Variants in RABEP1 observed in about 807,000 individuals in gnomAD.
RABEP1 encodes the protein rabaptin, RAB GTPase binding effector protein 1.
RABEP1 carries 51 observed loss-of-function variants against 123.4 expected under a neutral mutation model. The ratio of observed to expected loss-of-function variants is 0.41; its 90% confidence interval spans 0.33 to 0.52. The LOEUF (loss-of-function observed/expected upper bound fraction) is 0.52. RABEP1 is among the 20% of genes least tolerant of loss of function. RABEP1 has a pLI of 0.16. For synonymous variants in RABEP1, 347 were observed against 355.2 expected (o/e 0.98, Z 0.26); for missense variants, 888 against 996.3 (o/e 0.89, Z 1.46).
chr17:5,350,600 C>G lies in RABEP1; in HGVS notation c.934C>G (p.Gln312Glu). Reference protein sequence around the residue: ...EIVLTSEQLRQVEELKKKDQE... With the variant: ...EIVLTSEQLREVEELKKKDQE... ...TGTGCTAACTTCAGAACAGCTCCGA[C>G]AAGTTGAAGAACTGAAGAAGAAAGA... The change falls in exon 7 of 18, where the codon CAA (glutamine) becomes GAA (glutamate). Residue 312 changes from glutamine (Q) to glutamate (E), a missense_variant. By Grantham distance (29) the Gln-to-Glu change is conservative. Coordinates refer to ENST00000537505, the MANE Select transcript of RABEP1 (RefSeq NM_004703.6). 1 of 1,613,874 alleles carries G rather than the reference C, an allele frequency of 6.2e-7. No individual in the cohort carries two copies. Among genetic ancestry groups the G allele is most frequent in the African/African-American group, 1.3e-5 (1 of 75,022 alleles).
At chr17:5,315,653 C>T (rs1348720737) in intron 2 of RABEP1, among the ~76,000 whole-genome samples, 2 of 151,864 alleles carry the variant, frequency 1.3e-5, no homozygotes, top group African/African-American at 2.4e-5. Context: ...GAGTTTGAGA[C>T]CAGCCTGGTC....
intron 8 of RABEP1, among the ~76,000 whole-genome samples, chr17:5,359,037 C>T (rs1027260936): frequency 6.6e-6 from 1 of 151,854 alleles, no homozygotes; most frequent in Non-Finnish European, 1.5e-5. Context: ...GTTGGATTTA[C>T]AGGCGTGAGC....
At chr17:5,334,287 G>A (rs970587181) in intron 3 of RABEP1, among the ~76,000 whole-genome samples, 9 of 150,404 alleles carry the variant, frequency 6.0e-5, no homozygotes, top group African/African-American at 9.8e-5. Flanking sequence ...GCTGGAGTGC[G>A]GTGGCATGAT....
intron 2 of RABEP1, among the ~76,000 whole-genome samples, chr17:5,322,630 C>A (rs531499855): frequency 8.8e-4 from 134 of 152,022 alleles, no homozygotes; most frequent in African/African-American, 3.1e-3. Flanking sequence ...ATACGGAAAT[C>A]CTTGAAAAAA....
intron 1 of RABEP1, among the ~76,000 whole-genome samples, chr17:5,302,765 C>T (rs2075147338): frequency 1.3e-5 from 2 of 152,070 alleles, no homozygotes; most frequent in Non-Finnish European, 1.5e-5. Flanking sequence ...TGGCCTCAAG[C>T]AGTCCTCCCA....
chr17:5,331,409 G>A (rs180670918), intron 2 of RABEP1, among the ~76,000 whole-genome samples: 31 of 152,236 alleles, frequency 2.0e-4, no homozygotes, highest in Non-Finnish European at 1.3e-4. Flanking sequence ...CCAAACATAT[G>A]TTCTGCCTGG....
At chr17:5,367,633 T>C (rs1229342143) in intron 11 of RABEP1, among the ~76,000 whole-genome samples, 1 of 151,244 alleles carries the variant, frequency 6.6e-6, no homozygotes, top group Non-Finnish European at 1.5e-5. Context: ...GGTGAAAAGA[T>C]CCACCTTTCC....
intron 6 of RABEP1, among the ~76,000 whole-genome samples, chr17:5,347,354 G>A (rs907800309): frequency 8.5e-5 from 13 of 152,154 alleles, no homozygotes; most frequent in Admixed American, 7.9e-4. Flanking sequence ...AGGTTGCGGT[G>A]AGCCAAGCTC....
intron 1 of RABEP1, among the ~76,000 whole-genome samples, chr17:5,295,681 A>G (rs994263322): frequency 1.3e-5 from 2 of 152,186 alleles, no homozygotes; most frequent in Admixed American, 6.5e-5. Context: ...TCTGAGACCA[A>G]CTGGAAAGCC....
intron 2 of RABEP1, among the ~76,000 whole-genome samples, chr17:5,316,832 C>CAAAAAAA (rs55890740): frequency 4.5e-5 from 3 of 67,174 alleles, no homozygotes; most frequent in African/African-American, 5.9e-5. Flanking sequence ...GACTCTGTCT[C>CAAAAAAA]AAAAAAAAAA....
Position 5,346,936 on chromosome 17 carries a change from T to C in RABEP1, c.784+11T>C. 1 of 1,555,504 alleles carries C rather than the reference T, an allele frequency of 6.4e-7. No individual in the cohort carries two copies. On this transcript the variant is annotated intron_variant, in intron 6 of 17. Transcript: ENST00000537505. ...AAGAATTGCATGAAGGTAAATATAC[T>C]GTATATTTTTATCTTTGTCTCTAAG...
rs565541260 is a variant in RABEP1 at position 5,321,740 on chromosome 17, G to A, written c.164-10209G>A. On this transcript the variant is annotated intron_variant, in intron 2 of 17. Transcript: ENST00000537505. The stretch of plus-strand genomic sequence containing the variant: ...AGCAGGAGTAAGTAAGTACACCTAC[G>A]TCAGATTAAAATAGACTACAAATCT... Among the ~76,000 whole-genome samples, 4 of 152,320 alleles carry A rather than the reference G, an allele frequency of 2.6e-5. No individual in the cohort carries two copies. The South Asian group carries it at 8.3e-4, about 32-fold the overall frequency.
intron 2 of RABEP1, among the ~76,000 whole-genome samples, chr17:5,321,970 G>A (rs774150814): frequency 6.6e-6 from 1 of 152,194 alleles, no homozygotes; most frequent in Non-Finnish European, 1.5e-5. Context: ...AGGCCAGGGC[G>A]GGTGGATCAC....
intron 2 of RABEP1, among the ~76,000 whole-genome samples, chr17:5,314,183 A>C (rs2075271834): frequency 6.6e-6 from 1 of 151,208 alleles, no homozygotes; most frequent in African/African-American, 2.4e-5. Context: ...TGGTAATGAG[A>C]AATGCACCTT....
intron 2 of RABEP1, among the ~76,000 whole-genome samples, chr17:5,326,801 G>A (rs909261756): frequency 3.3e-5 from 5 of 151,982 alleles, no homozygotes; most frequent in African/African-American, 9.7e-5. Context: ...CTGCTAAAAC[G>A]TTTATTAAAA....
intron 12 of RABEP1, among the ~76,000 whole-genome samples, chr17:5,372,910 G>A (rs947424592): frequency 5.3e-5 from 8 of 152,060 alleles, no homozygotes; most frequent in African/African-American, 9.7e-5. Flanking sequence ...CAGGCACCCC[G>A]CTGTACCCAG....
intron 3 of RABEP1, among the ~76,000 whole-genome samples, chr17:5,333,961 C>G (rs1007014901): frequency 6.6e-6 from 1 of 151,650 alleles, no homozygotes; most frequent in Admixed American, 6.6e-5. Flanking sequence ...AAATTGCGCA[C>G]ATTGATTTCC....
intron 1 of RABEP1, among the ~76,000 whole-genome samples, chr17:5,285,047 C>T (rs1471495757): frequency 1.3e-5 from 2 of 150,858 alleles, no homozygotes; most frequent in African/African-American, 4.9e-5. Context: ...GTGTGTAAAT[C>T]GAAGGGATGA....
At chr17:5,320,551 A>G (rs1301140979) in intron 2 of RABEP1, among the ~76,000 whole-genome samples, 2 of 152,192 alleles carry the variant, frequency 1.3e-5, no homozygotes, top group Non-Finnish European at 2.9e-5. Flanking sequence ...TACCAAGAAT[A>G]GTAATAGCTA....
Sources: allele counts gnomAD v4.1 joint callset (sites outside exome capture counted in the v4.1 genomes callset), GRCh38; gene constraint gnomAD v4.1.1; transcripts MANE v1.5; gene names NCBI Gene and HGNC (gene_info 2026-07-23, HGNC 2026-07-21).